The following FAM184B variants were observed in gnomAD, a reference collection of about 807,000 sequenced individuals.
FAM184B encodes protein FAM184B.
Under a neutral mutation model 135.9 loss-of-function variants are expected in FAM184B, and 111 were observed. That is an observed-to-expected ratio of 0.82 (90% CI 0.70 to 0.96). The LOEUF is 0.96. Among genes scored for constraint, FAM184B ranks in the 40% least tolerant of loss-of-function variants. FAM184B has a pLI of 0.00. For synonymous variants in FAM184B, 552 were observed against 524.8 expected, an observed-to-expected ratio of 1.05 and a Z score of -0.71; for missense variants, 1,375 against 1,323.9, an observed-to-expected ratio of 1.04 and a Z score of -0.60.
intron 1 of FAM184B, among the ~76,000 whole-genome samples, chr4:17,745,830 G>A (rs1381114200): frequency 6.6e-6 from 1 of 152,170 alleles, no homozygotes; most frequent in Non-Finnish European, 1.5e-5. Context: ...GGTCCTACCT[G>A]CTTTTGTGAT....
At chr4:17,754,792 A>G (rs1445521705) in intron 1 of FAM184B, among the ~76,000 whole-genome samples, 2 of 152,198 alleles carry the variant, frequency 1.3e-5, no homozygotes, top group Non-Finnish European at 2.9e-5. Flanking sequence ...GAAATAAACA[A>G]GTAATCAGGG....
chr4:17,713,239 C>T (rs1438494321), intron 1 of FAM184B, among the ~76,000 whole-genome samples: 2 of 152,134 alleles, frequency 1.3e-5, no homozygotes, highest in Non-Finnish European at 2.9e-5. Context: ...ACTCAAGGTG[C>T]GATATGAATG....
intron 1 of FAM184B, among the ~76,000 whole-genome samples, chr4:17,749,814 AG>A (rs1354547340): frequency 2.0e-5 from 3 of 152,208 alleles, no homozygotes; most frequent in African/African-American, 7.2e-5. Context: ...ATATATTTTA[AG>A]GTATTTATTT....
intron 9 of FAM184B, among the ~76,000 whole-genome samples, chr4:17,659,749 G>A (rs1247264620): frequency 6.6e-6 from 1 of 152,210 alleles, no homozygotes; most frequent in South Asian, 2.1e-4. Context: ...GCCTCCCAAA[G>A]TGCTGAGATT....
At position 17,631,733 on chromosome 4, in the gene FAM184B, A is replaced by T. The variant is rs1235226087; in HGVS notation, c.*799T>A. On this transcript the variant is annotated 3_prime_UTR_variant, in exon 18 of 18. Transcript: ENST00000265018. ...AAGTATTCAGTCCAAGCATGCTACCATCCATTTCTGGTAGGTTTGGTTTGT... is the reference window on the plus strand; with the variant it reads ...AAGTATTCAGTCCAAGCATGCTACCTTCCATTTCTGGTAGGTTTGGTTTGT... 1 of 152,134 alleles carries T rather than the reference A, an allele frequency of 6.6e-6. No homozygotes were observed. The highest frequency in any genetic ancestry group is 1.9e-4 in the East Asian group (1 of 5,198). The allele number at this position is 152,134 out of a possible 1,614,324, so 9.4% of individuals were successfully genotyped here.
In FAM184B at chr4:17,633,885, TTTTCTGTTTG is replaced by T. The variant is rs1250039418; in HGVS notation, c.2890-7_2892del. On this transcript the variant is annotated splice_acceptor_variant and splice_polypyrimidine_tract_variant and coding_sequence_variant and intron_variant, in exon 17 of 18. Coordinates refer to ENST00000265018, the MANE Select transcript of FAM184B (RefSeq NM_015688.2). LOFTEE classifies it high-confidence loss of function. ...CGGCTGGGCACGTCCTCCACCTTCT[TTTTCTGTTTG>T]TATTAATGGACAGGTTAGTGCAATG... 6 of 1,546,278 alleles carry T rather than the reference TTTTCTGTTTG, an allele frequency of 3.9e-6. No homozygotes were observed. Among genetic ancestry groups the T allele is most frequent in the African/African-American group, 2.7e-5 (2 of 72,796 alleles).
chr4:17,728,630 G>T (rs572976576), intron 1 of FAM184B, among the ~76,000 whole-genome samples: 48 of 152,272 alleles, frequency 3.2e-4, no homozygotes, highest in Admixed American at 1.9e-3. Context: ...GGAAGGAAGA[G>T]TGCTGCGGAA....
Position 17,753,989 on chromosome 4 carries a change from G to A in FAM184B, c.141+27170C>T, listed in dbSNP as rs574025644. Among the ~76,000 whole-genome samples, 3 of 152,210 alleles carry A rather than the reference G, an allele frequency of 2.0e-5. No individual in the cohort carries two copies. The South Asian group carries it at 6.2e-4, about 32-fold the overall frequency. ...ACATCAAGGTTGTCTTGGCCTAAGGGCAGGATTTACAGTAAGTATGGCTCC... is the reference window on the plus strand; with the variant it reads ...ACATCAAGGTTGTCTTGGCCTAAGGACAGGATTTACAGTAAGTATGGCTCC... On this transcript the variant is annotated intron_variant, in intron 1 of 17. Transcript: ENST00000265018.
chr4:17,768,701 T>C (rs1451012128), intron 1 of FAM184B, among the ~76,000 whole-genome samples: 1 of 152,212 alleles, frequency 6.6e-6, no homozygotes, highest in Non-Finnish European at 1.5e-5. Context: ...ATTATTATAT[T>C]TGTTCACATT....
At chr4:17,721,671 C>G (rs1371339591) in intron 1 of FAM184B, among the ~76,000 whole-genome samples, 1 of 152,166 alleles carries the variant, frequency 6.6e-6, no homozygotes, top group Non-Finnish European at 1.5e-5. Context: ...AGGGGTCAGA[C>G]CCTCACAAGT....
At chr4:17,664,442 C>A in intron 8 of FAM184B, 120 bp downstream of exon 8, 1 of 752,724 alleles carries the variant, frequency 1.3e-6, no homozygotes. Context: ...GTTGCCTCCC[C>A]AAGCATGCTG....
chr4:17,704,886 C>A, intron 5 of FAM184B, 114 bp downstream of exon 5: 1 of 880,776 alleles, frequency 1.1e-6, no homozygotes. Flanking sequence ...TACATTTGTA[C>A]AGAGCAGGAG....
At chr4:17,725,553 C>T (rs186829466) in intron 1 of FAM184B, among the ~76,000 whole-genome samples, 23 of 152,228 alleles carry the variant, frequency 1.5e-4, no homozygotes, top group Non-Finnish European at 2.4e-4. Flanking sequence ...TTTAGGGTCA[C>T]GCACACTCCT....
At chr4:17,647,252 CTTT>C (rs3066609) in intron 12 of FAM184B, among the ~76,000 whole-genome samples, 289 of 128,914 alleles carry the variant, frequency 2.2e-3, no homozygotes, top group South Asian at 4.0e-3. Flanking sequence ...GAGCCCATCC[CTTT>C]TTTTTTTTTT....
chr4:17,684,492 G>A (rs1214020764), intron 7 of FAM184B, among the ~76,000 whole-genome samples: 1 of 152,230 alleles, frequency 6.6e-6, no homozygotes, highest in East Asian at 1.9e-4. Flanking sequence ...AACAATATCT[G>A]CAAAATGCCT....
chr4:17,649,859 T>G (rs1435630016), intron 11 of FAM184B, among the ~76,000 whole-genome samples: 1 of 125,292 alleles, frequency 8.0e-6, no homozygotes, highest in Non-Finnish European at 1.8e-5. Context: ...CATCCATCCA[T>G]CCACCCACTC....
chr4:17,776,670 G>A lies in FAM184B; in HGVS notation c.141+4489C>T, dbSNP rs1039597729. Among the ~76,000 whole-genome samples, 7 of 152,164 alleles carry A rather than the reference G, an allele frequency of 4.6e-5. No individual in the cohort carries two copies. In the South Asian group the frequency reaches 6.2e-4, roughly 14 times the overall value. On this transcript the variant is annotated intron_variant, in intron 1 of 17. Coordinates refer to ENST00000265018, the MANE Select transcript of FAM184B (RefSeq NM_015688.2). ...GCCTCCCAAAGTGCTGGGATTACAG[G>A]CGTGAGCCACTGTGCCCGGCCAGTT...
At chr4:17,652,403 C>A (rs1715645980) in intron 11 of FAM184B, among the ~76,000 whole-genome samples, 1 of 152,192 alleles carries the variant, frequency 6.6e-6, no homozygotes, top group Non-Finnish European at 1.5e-5. Context: ...GGATTACAGG[C>A]GTCAGCCACC....
At chr4:17,729,222 G>T (rs1478589151) in intron 1 of FAM184B, among the ~76,000 whole-genome samples, 2 of 152,236 alleles carry the variant, frequency 1.3e-5, no homozygotes, top group Non-Finnish European at 2.9e-5. Context: ...CATTGCCCAG[G>T]CTTGATTAGG....
Sources: allele counts gnomAD v4.1 joint callset (sites outside exome capture counted in the v4.1 genomes callset), GRCh38; gene constraint gnomAD v4.1.1; transcripts MANE v1.5; gene names NCBI Gene and HGNC (gene_info 2026-07-23, HGNC 2026-07-21).